Variants in RNF217 observed in about 807,000 individuals in gnomAD.
The protein encoded by RNF217 is ring finger protein 217.
RNF217 carries 31 observed loss-of-function variants against 57.8 expected under a neutral mutation model. The ratio of observed to expected loss-of-function variants is 0.54; its 90% CI spans 0.40 to 0.72. The LOEUF (loss-of-function observed/expected upper bound fraction) is 0.72. Ranked by LOEUF, RNF217 falls within the 30% of genes least tolerant of loss-of-function variation. The pLI, the probability that RNF217 is intolerant of heterozygous loss-of-function variation, is 0.00. For missense variants in RNF217, 696 were observed against 708.3 expected (o/e 0.98, Z 0.20); for synonymous variants, 313 against 294.0 (o/e 1.06, Z -0.66).
chr6:124,985,607 G>A (rs1044028804), intron 1 of RNF217, among the ~76,000 whole-genome samples: 5 of 151,922 alleles, frequency 3.3e-5, no homozygotes, highest in Non-Finnish European at 5.9e-5. Context: ...ACAATATTAA[G>A]GAAAAGAAGA....
Position 125,081,639 on chromosome 6 carries a change from T to G in RNF217, c.1555+132T>G, listed in dbSNP as rs571568261. The G allele has an allele frequency of 5.7e-4, 394 of 686,080 alleles. 6 individuals are homozygous for G. In the South Asian group the frequency reaches 7.6e-3, roughly 13 times the overall value. 42.5% of individuals were successfully genotyped at this position (686,080 alleles called of 1,614,324 possible). A position where few individuals can be genotyped will look rare whatever the true frequency, so the allele number is the denominator to read the frequency against. The stretch of plus-strand genomic sequence containing the variant: ...TGTTGTATGCCTGCTTTAGATAGAT[T>G]ACCAGCATATCATTTAAAAGGTCAG... On this transcript the variant is annotated intron_variant, in intron 5 of 5. Coordinates refer to ENST00000521654, the MANE Select transcript of RNF217 (RefSeq NM_001286398.3).
At chr6:125,069,113 A>G (rs945682229) in intron 3 of RNF217, among the ~76,000 whole-genome samples, 1 of 152,188 alleles carries the variant, frequency 6.6e-6, no homozygotes, top group Non-Finnish European at 1.5e-5. Flanking sequence ...CTACACTTTA[A>G]TGAATTCTTG....
Position 125,080,575 on chromosome 6 carries a change from G to A in RNF217, c.1484-861G>A, listed in dbSNP as rs181360612. On this transcript the variant is annotated intron_variant, in intron 4 of 5. Coordinates refer to ENST00000521654, the MANE Select transcript of RNF217 (RefSeq NM_001286398.3). Reference sequence around the variant, plus strand: ...ATCTCTTATTGCATTTGAGTTGTGCGGCCCTGAAGCTGTGTCACATGCCGT... The same window carrying A: ...ATCTCTTATTGCATTTGAGTTGTGCAGCCCTGAAGCTGTGTCACATGCCGT... 3.9e-3 allele frequency among the ~76,000 whole-genome samples: 595 copies of A among 151,990 alleles called. 4 individuals are homozygous for A. Among genetic ancestry groups the A allele is most frequent in the African/African-American group, 0.014 (566 of 41,482 alleles).
At chr6:125,082,520 C>G in intron 5 of RNF217, 1 of 1,612,738 alleles carries the variant, frequency 6.2e-7, no homozygotes, top group Non-Finnish European at 8.5e-7. Context: ...TTTGGCTCCA[C>G]AGCCTGTGTT....
At position 125,084,328 on chromosome 6, in the gene RNF217, G is replaced by T. The variant is rs899201653; in HGVS notation, c.*1391G>T. 6.6e-6 allele frequency: 1 copy of T among 151,722 alleles called. No individual in the cohort carries two copies. Among genetic ancestry groups the T allele is most frequent in the East Asian group, 1.9e-4 (1 of 5,182 alleles). The allele number at this position is 151,722 out of a possible 1,614,324, so 9.4% of individuals were successfully genotyped here. A position where few individuals can be genotyped will look rare whatever the true frequency, so the allele number is the denominator to read the frequency against. ...AGGAAGTTTTTCTCAACCTACAAAA[G>T]CTTTAAAAATAAGAAATTGACAAGT... is the stretch of plus-strand genomic sequence containing the variant. On this transcript the variant is annotated 3_prime_UTR_variant, in exon 6 of 6. Transcript: ENST00000521654.
At chr6:125,000,142 AT>A (rs556497578) in intron 1 of RNF217, among the ~76,000 whole-genome samples, 2 of 150,624 alleles carry the variant, frequency 1.3e-5, no homozygotes, top group Non-Finnish European at 1.5e-5. Context: ...ATCTCTGTTT[AT>A]TTTTTTTTAG....
Position 125,088,213 on chromosome 6 carries a change from T to C in RNF217, c.*5276T>C, listed in dbSNP as rs1420946283. The stretch of plus-strand genomic sequence containing the variant: ...ATTATTAATTTGATAAAACAAATAA[T>C]TTTATAGAAGCATTAAAGTATTATC... On this transcript the variant is annotated 3_prime_UTR_variant, in exon 6 of 6. Transcript: ENST00000521654. The C allele has an allele frequency of 6.6e-6, 1 of 152,024 alleles. No individual in the cohort carries two copies. The highest frequency in any genetic ancestry group is 1.5e-5 in the Non-Finnish European group (1 of 67,994). 9.4% of individuals were successfully genotyped at this position (152,024 alleles called of 1,614,324 possible).
intron 1 of RNF217, chr6:125,008,850 A>G (rs528507978): frequency 5.7e-4 from 87 of 151,940 alleles, no homozygotes; most frequent in Non-Finnish European, 1.1e-3. Context: ...TGGTGGAGAG[A>G]TTTTCCTTAT....
At chr6:125,049,184 A>T (rs1285317551) in intron 2 of RNF217, among the ~76,000 whole-genome samples, 1 of 152,008 alleles carries the variant, frequency 6.6e-6, no homozygotes. Context: ...ATGGAGAAAT[A>T]AAAAAATGTT....
chr6:124,964,137 G>T (rs1783429402), intron 1 of RNF217, among the ~76,000 whole-genome samples: 1 of 152,318 alleles, frequency 6.6e-6, no homozygotes, highest in African/African-American at 2.4e-5. Context: ...TGGAAAGCTT[G>T]AGAGTGCACC....
At position 125,072,360 on chromosome 6, in the gene RNF217, A is replaced by C. The variant is rs542600133; in HGVS notation, c.1282-4297A>C. Among the ~76,000 whole-genome samples the C allele has an allele frequency of 1.7e-4, 26 of 152,342 alleles. 1 individual carries two copies. Among genetic ancestry groups the C allele is most frequent in the Admixed American group, 1.7e-3 (26 of 15,294 alleles). Reference sequence around the variant, plus strand: ...ATTATGTGTATAAAATACTCAAATTAATCTATAGAGCCATATAATCCCAAA... The same window carrying C: ...ATTATGTGTATAAAATACTCAAATTCATCTATAGAGCCATATAATCCCAAA... On this transcript the variant is annotated intron_variant, in intron 3 of 5. Coordinates refer to ENST00000521654, the MANE Select transcript of RNF217 (RefSeq NM_001286398.3).
intron 3 of RNF217, among the ~76,000 whole-genome samples, chr6:125,076,301 C>A (rs1328416657): frequency 3.3e-5 from 5 of 152,166 alleles, no homozygotes; most frequent in Admixed American, 3.3e-4. Context: ...TCTTGCTGAT[C>A]ATAGCATAAA....
intron 1 of RNF217, among the ~76,000 whole-genome samples, chr6:124,966,309 A>C (rs1436030917): frequency 6.6e-6 from 1 of 152,176 alleles, no homozygotes; most frequent in Non-Finnish European, 1.5e-5. Context: ...TAATTTCCTC[A>C]TCAATGAAAT....
chr6:125,055,619 T>G (rs1787491423), intron 2 of RNF217, among the ~76,000 whole-genome samples: 1 of 152,190 alleles, frequency 6.6e-6, no homozygotes, highest in Non-Finnish European at 1.5e-5. Context: ...TAGAGAGATC[T>G]TTTCAAAAAG....
intron 1 of RNF217, among the ~76,000 whole-genome samples, chr6:125,016,634 A>T (rs1345208429): frequency 6.7e-6 from 1 of 149,438 alleles, no homozygotes; most frequent in East Asian, 1.9e-4. Context: ...GTGCAGCCAT[A>T]AAAAAAAGGA....
chr6:125,059,016 T>G (rs1787628356), intron 3 of RNF217, among the ~76,000 whole-genome samples: 1 of 152,188 alleles, frequency 6.6e-6, no homozygotes, highest in African/African-American at 2.4e-5. Flanking sequence ...AGAAAATGTT[T>G]AAAATTTAAA....
intron 1 of RNF217, among the ~76,000 whole-genome samples, chr6:124,972,781 C>T (rs1218434492): frequency 6.6e-6 from 1 of 152,052 alleles, no homozygotes; most frequent in Non-Finnish European, 1.5e-5. Context: ...TCTTCTTGAC[C>T]CCCTATATCT....
At chr6:125,075,095 G>C (rs1209405382) in intron 3 of RNF217, among the ~76,000 whole-genome samples, 1 of 152,190 alleles carries the variant, frequency 6.6e-6, no homozygotes, top group Non-Finnish European at 1.5e-5. Flanking sequence ...GGACAGCTTT[G>C]AATGCAGCCC....
intron 1 of RNF217, among the ~76,000 whole-genome samples, chr6:125,033,603 A>G (rs1419295697): frequency 6.6e-6 from 1 of 151,306 alleles, no homozygotes; most frequent in African/African-American, 2.4e-5. Context: ...ATTGTTGGAC[A>G]TTTGGGTTGG....
Sources: gnomAD v4.1 joint callset for allele counts (sites outside exome capture counted in the v4.1 genomes callset) on GRCh38, gnomAD v4.1.1 for gene constraint, MANE v1.5 for transcripts, NCBI Gene and HGNC (gene_info 2026-07-23, HGNC 2026-07-21) for gene names.